CUTC: variants seen among roughly 807,000 people sequenced by gnomAD.
CUTC encodes the protein copper homeostasis protein cutC homolog.
In CUTC, 27 loss-of-function variants were observed where a neutral mutation model predicts 36.2. The observed-to-expected ratio is 0.75, with a 90% CI of 0.55 to 1.03. CUTC has a LOEUF of 1.03. Ranked by LOEUF, CUTC falls within the 50% of genes least tolerant of loss-of-function variation. CUTC has a pLI of 0.00. For synonymous variants in CUTC, 114 were observed against 118.3 expected (o/e 0.96, Z 0.24); for missense variants, 315 against 343.5 (o/e 0.92, Z 0.66).
chr10:99,749,347 C>G (rs12218468), intron 6 of CUTC, among the ~76,000 whole-genome samples: 15,429 of 152,102 alleles, frequency 0.1, 998 homozygotes, highest in East Asian at 0.31. Flanking sequence ...ATAATAGCAC[C>G]TACCTCCTAG....
At chr10:99,735,940 A>G (rs2037293326) in intron 1 of CUTC, among the ~76,000 whole-genome samples, 1 of 152,236 alleles carries the variant, frequency 6.6e-6, no homozygotes, top group South Asian at 2.1e-4. Flanking sequence ...GGCATTGAGA[A>G]GCATTGTAAG....
rs758959570 is a variant in CUTC at position 99,754,634 on chromosome 10, G to A, written c.707G>A (p.Arg236Gln). Residue 236 changes from arginine to glutamine, a missense_variant and splice_region_variant, in exon 8 of 9, where the codon CGA (arginine) becomes CAA (glutamine). Arg to Gln is a conservative substitution (Grantham distance 43, BLOSUM62 1). Transcript: ENST00000370476. ...ACTAGAGACTCGGGAATGAAGTTTC[G>A]GTAAAAATGTATTCTTCGATTCAAA... is the stretch of plus-strand genomic sequence containing the variant. ...RSTRDSGMKF[R>Q]NSSVAMGASL... is the part of the protein sequence containing the mutation. 12 of 1,594,548 alleles carry A rather than the reference G, an allele frequency of 7.5e-6. No individual in the cohort carries two copies. The highest frequency in any genetic ancestry group is 3.4e-5 in the Admixed American group (2 of 59,100).
At chr10:99,740,036 T>C (rs2037330062) in intron 3 of CUTC, among the ~76,000 whole-genome samples, 1 of 152,238 alleles carries the variant, frequency 6.6e-6, no homozygotes, top group African/African-American at 2.4e-5. Flanking sequence ...TTATAAAATC[T>C]TTCCATGCTG....
chr10:99,733,021 A>G (rs925447641), intron 1 of CUTC, among the ~76,000 whole-genome samples: 1 of 152,214 alleles, frequency 6.6e-6, no homozygotes, highest in African/African-American at 2.4e-5. Context: ...TGTGGATTAC[A>G]TCTATCTATT....
chr10:99,736,166 C>A, intron 1 of CUTC, 80 bp from the exon 2 acceptor site: 1 of 1,143,534 alleles, frequency 8.7e-7, no homozygotes, highest in Non-Finnish European at 1.3e-6. Flanking sequence ...ATTTTGGCAG[C>A]AGAATGTAAA....
intron 6 of CUTC, among the ~76,000 whole-genome samples, chr10:99,748,311 G>A (rs1479806038): frequency 2.0e-5 from 3 of 152,096 alleles, no homozygotes; most frequent in African/African-American, 7.2e-5. Flanking sequence ...ATAATGTTAG[G>A]TTCTGTTATT....
rs376494267 is a variant in CUTC at position 99,743,285 on chromosome 10, A to G, written c.326A>G (p.Tyr109Cys). The change falls in exon 4 of 9, where the codon TAT becomes TGT. Residue 109 changes from tyrosine to cysteine, a missense_variant. By Grantham distance (194) the Tyr-to-Cys change is radical (BLOSUM62 -2). Coordinates refer to ENST00000370476, the MANE Select transcript of CUTC (RefSeq NM_015960.3). ...GCTGACATTCGTCTTGCCAAGCTTT[A>G]TGGTGCTGATGGTTTGGTTTTTGGG... The part of the protein sequence containing the change: ...MKADIRLAKL[Y>C]GADGLVFGAL... 2.9e-5 allele frequency: 47 copies of G among 1,614,002 alleles called. No individual in the cohort carries two copies. Among genetic ancestry groups the G allele is most frequent in the Non-Finnish European group, 3.9e-5 (46 of 1,180,018 alleles).
chr10:99,744,816 A>G (rs7078298), intron 5 of CUTC, among the ~76,000 whole-genome samples: 146,690 of 152,284 alleles, frequency 0.96, 70,878 homozygotes, highest in East Asian at 1. Flanking sequence ...GTGCAGTCGC[A>G]CGATCCGGCT....
intron 3 of CUTC, among the ~76,000 whole-genome samples, chr10:99,740,317 T>C (rs2037332743): frequency 6.6e-6 from 1 of 152,150 alleles, no homozygotes; most frequent in Non-Finnish European, 1.5e-5. Context: ...TTTCTTTAAC[T>C]TTTTTTGTTA....
At chr10:99,734,311 C>T (rs1482211194) in intron 1 of CUTC, among the ~76,000 whole-genome samples, 1 of 152,172 alleles carries the variant, frequency 6.6e-6, no homozygotes, top group African/African-American at 2.4e-5. Flanking sequence ...CTCAGATCCG[C>T]CCACCTTGGC....
intron 1 of CUTC, among the ~76,000 whole-genome samples, chr10:99,733,621 G>A (rs539128595): frequency 2.3e-4 from 35 of 152,054 alleles, no homozygotes; most frequent in Non-Finnish European, 3.4e-4. Flanking sequence ...GTGACAGAGT[G>A]AGACTCTGCC....
intron 2 of CUTC, among the ~76,000 whole-genome samples, chr10:99,739,141 A>T (rs1296009912): frequency 2.0e-5 from 3 of 152,118 alleles, no homozygotes; most frequent in African/African-American, 7.2e-5. Context: ...GTTTTAATCC[A>T]TTGTAGTTAT....
At position 99,732,382 on chromosome 10, in the gene CUTC, C is replaced by T. The variant is rs1466411289; in HGVS notation, c.34C>T (p.Arg12Ter). Reference protein sequence around the residue: ...KRQGASSERKRARIPSGKAGA... With the variant: ...KRQGASSERK ...GCAGGGGGCCTCCTCTGAGCGAAAA[C>T]GAGCGCGGATACCGTCCGGGAAGGC... Residue 12 changes from arginine (R) to a stop codon, truncating the protein, a stop_gained, in exon 1 of 9, where the codon CGA becomes TGA. Transcript: ENST00000370476. LOFTEE classifies it high-confidence loss of function. 6.4e-6 allele frequency: 10 copies of T among 1,553,170 alleles called. No individual in the cohort carries two copies. The highest frequency in any genetic ancestry group is 1.4e-5 in the African/African-American group (1 of 73,278).
Position 99,744,038 on chromosome 10 carries a change from T to C in CUTC, c.405T>C (p.Ala135=). The C allele has an allele frequency of 6.2e-7, 1 of 1,612,068 alleles. No homozygotes were observed. Among genetic ancestry groups the C allele is most frequent in the Non-Finnish European group, 8.5e-7 (1 of 1,178,976 alleles). Residue 135 remains alanine (A), a splice_region_variant and synonymous_variant, in exon 5 of 9, where the codon GCT becomes GCC. Transcript: ENST00000370476. ...IDKELCMSLM[A]ICRPLPVTFH... ...TGTTATATGACTTTCTTTTTATAGC[T>C]ATTTGCCGCCCTCTGCCAGTCACTT...
intron 5 of CUTC, among the ~76,000 whole-genome samples, chr10:99,746,287 A>G (rs547374631): frequency 2.6e-5 from 4 of 152,320 alleles, no homozygotes; most frequent in African/African-American, 9.6e-5. Context: ...ACATGTTCTC[A>G]CTCATAAGTG....
rs1394541214 is a variant in CUTC at position 99,732,395 on chromosome 10, C to A, written c.47C>A (p.Pro16Gln). The A allele has an allele frequency of 1.3e-6, 2 of 1,552,316 alleles. No homozygotes were observed. Among genetic ancestry groups the A allele is most frequent in the Non-Finnish European group, 8.7e-7 (1 of 1,147,810 alleles). ...TCTGAGCGAAAACGAGCGCGGATAC[C>A]GTCCGGGAAGGCCGGTGCGGAAGGT... ...ASSERKRARI[P>Q]SGKAGAANGF... The change falls in exon 1 of 9, where the codon CCG (proline) becomes CAG (glutamine). Residue 16 changes from proline (P) to glutamine (Q), a missense_variant. Coordinates refer to ENST00000370476, the MANE Select transcript of CUTC (RefSeq NM_015960.3).
rs2037223494 is a variant in CUTC at position 99,732,583 on chromosome 10, G to A, written c.61+174G>A. On this transcript the variant is annotated intron_variant, in intron 1 of 8. Coordinates refer to ENST00000370476, the MANE Select transcript of CUTC (RefSeq NM_015960.3). Reference sequence around the variant, plus strand: ...AAGGTGTGGAAACGGAGGGCGTGACGAGGGGCAGGTAGCGAGAATGGCTCA... The same window carrying A: ...AAGGTGTGGAAACGGAGGGCGTGACAAGGGGCAGGTAGCGAGAATGGCTCA... The A allele has an allele frequency of 2.8e-6, 4 of 1,438,144 alleles. No homozygotes were observed. The African/African-American group carries it at 5.8e-5, about 21-fold the overall frequency. The allele number at this position is 1,438,144 out of a possible 1,614,324, so 89.1% of individuals were successfully genotyped here. A position where few individuals can be genotyped will look rare whatever the true frequency, so the allele number is the denominator to read the frequency against.
At chr10:99,741,854 G>A (rs529449616) in intron 3 of CUTC, among the ~76,000 whole-genome samples, 35 of 152,258 alleles carry the variant, frequency 2.3e-4, no homozygotes, top group East Asian at 9.7e-4. Context: ...TTACAGGCAT[G>A]AGCCACCGTA....
intron 7 of CUTC, among the ~76,000 whole-genome samples, chr10:99,752,298 C>A: frequency 6.6e-6 from 1 of 151,640 alleles, no homozygotes; most frequent in Non-Finnish European, 1.5e-5. Flanking sequence ...GGGAGGATTT[C>A]TTGAGCCCGA....
Sources: gnomAD v4.1 joint callset for allele counts (sites outside exome capture counted in the v4.1 genomes callset) on GRCh38, gnomAD v4.1.1 for gene constraint, MANE v1.5 for transcripts, NCBI Gene and HGNC (gene_info 2026-07-23, HGNC 2026-07-21) for gene names.